Variants in CCSER1 observed in about 807,000 individuals in gnomAD.
CCSER1 encodes coiled-coil serine rich protein 1.
In CCSER1, 41 loss-of-function variants were observed where a neutral mutation model predicts 82.0. That is an observed-to-expected ratio of 0.50 (90% confidence interval 0.39 to 0.65). The LOEUF is 0.65. Ranked by LOEUF, CCSER1 falls within the 30% of genes least tolerant of loss-of-function variation. The probability of loss-of-function intolerance (pLI) is 0.00; values close to 1 mark genes in which losing one functional copy is unlikely to be tolerated. For synonymous variants in CCSER1, 414 were observed against 383.9 expected, an observed-to-expected ratio of 1.08 and a Z score of -0.92; for missense variants, 1,119 against 1,064.2, an observed-to-expected ratio of 1.05 and a Z score of -0.72.
chr4:91,493,151 C>A (rs116360305), intron 10 of CCSER1, among the ~76,000 whole-genome samples: 1,825 of 151,112 alleles, frequency 0.012, 18 homozygotes, highest in Middle Eastern at 0.021. Context: ...GGATGTGAGT[C>A]TTATTTGAGT....
intron 10 of CCSER1, among the ~76,000 whole-genome samples, chr4:91,172,000 AT>A (rs1732811610): frequency 2.0e-5 from 3 of 152,038 alleles, no homozygotes. Flanking sequence ...TTTATATTCA[AT>A]AAAAAAAATC....
At chr4:90,237,947 A>G (rs1746104818) in intron 1 of CCSER1, among the ~76,000 whole-genome samples, 2 of 152,176 alleles carry the variant, frequency 1.3e-5, no homozygotes, top group Admixed American at 6.5e-5. Context: ...CCTGCTAGTT[A>G]ATATTCAACA....
chr4:91,163,831 A>C (rs1353464028), intron 10 of CCSER1, among the ~76,000 whole-genome samples: 1 of 152,080 alleles, frequency 6.6e-6, no homozygotes, highest in South Asian at 2.1e-4. Context: ...GTGTCTCTGC[A>C]AGTGAGATGG....
At chr4:90,742,244 AATTCAACATGAG>A (rs1480749882) in intron 7 of CCSER1, among the ~76,000 whole-genome samples, 1 of 152,198 alleles carries the variant, frequency 6.6e-6, no homozygotes, top group Non-Finnish European at 1.5e-5. Flanking sequence ...TGGCAATTAC[AATTCAACATGAG>A]ATTTGGGTGG....
intron 10 of CCSER1, among the ~76,000 whole-genome samples, chr4:91,323,781 T>C (rs1746362327): frequency 6.6e-6 from 1 of 152,198 alleles, no homozygotes; most frequent in African/African-American, 2.4e-5. Flanking sequence ...CAATGGCCTA[T>C]GGATGCATAG....
Position 91,431,223 on chromosome 4 carries a change from G to A in CCSER1, c.2218-167349G>A, listed in dbSNP as rs546659313. The stretch of plus-strand genomic sequence containing the variant: ...TGCACTCCAGTCTGGGCAACAGAGC[G>A]AGACTCCATCTCAAAAACAGCAACA... On this transcript the variant is annotated intron_variant, in intron 10 of 10. Transcript: ENST00000509176. Among the ~76,000 whole-genome samples the A allele has an allele frequency of 2.6e-5, 4 of 152,206 alleles. No homozygotes were observed. The South Asian group carries it at 8.3e-4, about 32-fold the overall frequency.
chr4:91,294,685 C>T (rs987943975), intron 10 of CCSER1, among the ~76,000 whole-genome samples: 19 of 151,892 alleles, frequency 1.3e-4, no homozygotes, highest in South Asian at 2.1e-4. Context: ...CCCCTGTTTC[C>T]GCATGGCTCT....
intron 5 of CCSER1, among the ~76,000 whole-genome samples, chr4:90,560,145 G>A (rs6825317): frequency 0.23 from 34,464 of 151,798 alleles, 5,690 homozygotes; most frequent in African/African-American, 0.44. Flanking sequence ...GGCTAGTTAT[G>A]TTTTATATCT....
chr4:90,775,363 G>C (rs1454049667), intron 7 of CCSER1, among the ~76,000 whole-genome samples: 2 of 152,072 alleles, frequency 1.3e-5, no homozygotes, highest in Non-Finnish European at 2.9e-5. Flanking sequence ...ATTCCATTCA[G>C]GTACAGATAG....
At position 91,300,912 on chromosome 4, in the gene CCSER1, G is replaced by A. The variant is rs1191891461; in HGVS notation, c.2217+214918G>A. On this transcript the variant is annotated intron_variant, in intron 10 of 10. Coordinates refer to ENST00000509176, the MANE Select transcript of CCSER1 (RefSeq NM_001145065.2). Reference sequence around the variant, plus strand: ...CAGAAGTTTACTTTTACCTTTGATTGTAAAGGTAGTTTTTAAAGGGTGAGT... The same window carrying A: ...CAGAAGTTTACTTTTACCTTTGATTATAAAGGTAGTTTTTAAAGGGTGAGT... Among the ~76,000 whole-genome samples the A allele has an allele frequency of 3.3e-5, 5 of 151,970 alleles. No individual in the cohort carries two copies. In the East Asian group the frequency reaches 9.7e-4, roughly 29 times the overall value.
intron 10 of CCSER1, among the ~76,000 whole-genome samples, chr4:91,209,875 A>T (rs551157475): frequency 6.6e-6 from 1 of 151,912 alleles, no homozygotes; most frequent in South Asian, 2.1e-4. Flanking sequence ...ACATACCTAC[A>T]TACATATACT....
chr4:91,093,053 A>C (rs1581535621), intron 10 of CCSER1, among the ~76,000 whole-genome samples: 1 of 152,296 alleles, frequency 6.6e-6, no homozygotes, highest in East Asian at 1.9e-4. Context: ...AATGGTTAGA[A>C]AGGCATATCA....
chr4:91,502,833 G>A (rs1028809050), intron 10 of CCSER1, among the ~76,000 whole-genome samples: 1 of 152,118 alleles, frequency 6.6e-6, no homozygotes, highest in Non-Finnish European at 1.5e-5. Flanking sequence ...AGTTTAATAA[G>A]TATTTGAGAA....
chr4:90,491,547 C>T (rs1448872256), intron 5 of CCSER1, among the ~76,000 whole-genome samples: 1 of 152,106 alleles, frequency 6.6e-6, no homozygotes, highest in African/African-American at 2.4e-5. Context: ...GAACTTCCAA[C>T]ACTATGTTGA....
At chr4:90,956,342 A>G (rs924485594) in intron 9 of CCSER1, among the ~76,000 whole-genome samples, 2 of 152,170 alleles carry the variant, frequency 1.3e-5, no homozygotes, top group African/African-American at 2.4e-5. Context: ...ATTTCTTCGT[A>G]TAGAAAAAAT....
At chr4:90,815,526 A>ATGTGTG (rs113631267) in intron 7 of CCSER1, among the ~76,000 whole-genome samples, 12,859 of 150,664 alleles carry the variant, frequency 0.085, 599 homozygotes, top group East Asian at 0.12. Flanking sequence ...GTGTGTGTGG[A>ATGTGTG]TGTGTGTGTG....
rs531368356 is a variant in CCSER1 at position 91,439,276 on chromosome 4, G to A, written c.2218-159296G>A. ...AAGGGAAGCCCATCAGACTAACAGC[G>A]GATCTCTCGGCAGAAACTCTACAAG... is the stretch of plus-strand genomic sequence containing the variant. On this transcript the variant is annotated intron_variant, in intron 10 of 10. Transcript: ENST00000509176. Among the ~76,000 whole-genome samples, 163 of 152,196 alleles carry A rather than the reference G, an allele frequency of 1.1e-3. 1 individual carries two copies. In the South Asian group the frequency reaches 0.03, roughly 28 times the overall value.
chr4:90,563,006 C>T (rs1453014277), intron 5 of CCSER1, among the ~76,000 whole-genome samples: 3 of 151,872 alleles, frequency 2.0e-5, no homozygotes, highest in Non-Finnish European at 2.9e-5. Flanking sequence ...ATTTCATGCC[C>T]TTCTGAATTT....
chr4:91,594,408 T>TATAC (rs1764442663), intron 10 of CCSER1, among the ~76,000 whole-genome samples: 1 of 119,986 alleles, frequency 8.3e-6, no homozygotes, highest in Non-Finnish European at 1.9e-5. Context: ...TACACATATA[T>TATAC]ACACATATAT....
Sources: gnomAD v4.1 joint callset for allele counts (sites outside exome capture counted in the v4.1 genomes callset) on GRCh38, gnomAD v4.1.1 for gene constraint, MANE v1.5 for transcripts, NCBI Gene and HGNC (gene_info 2026-07-23, HGNC 2026-07-21) for gene names.